Variants in TBL1X observed in about 807,000 individuals in gnomAD.
TBL1X encodes transducin beta like 1 X-linked.
Under a neutral mutation model 50.7 loss-of-function variants are expected in TBL1X, and 10 were observed. That is an observed-to-expected ratio of 0.20 (90% CI 0.12 to 0.33). The LOEUF (loss-of-function observed/expected upper bound fraction) is 0.33. Ranked by LOEUF, TBL1X falls within the 10% of genes least tolerant of loss-of-function variation. TBL1X has a pLI of 1.00. For missense variants in TBL1X, 340 were observed against 504.4 expected, an observed-to-expected ratio of 0.67 and a Z score of 3.12; for synonymous variants, 190 against 214.7, an observed-to-expected ratio of 0.88 and a Z score of 1.01.
chrX:9,463,996 G>A (rs774334723), upstream of TBL1X, among the ~76,000 whole-genome samples: 187 of 112,209 alleles, frequency 1.7e-3, 1 homozygote, highest in Middle Eastern at 0.014. Context: ...AGCAAGTGAG[G>A]TTATAGTTTA....
intron 2 of TBL1X, among the ~76,000 whole-genome samples, chrX:9,600,469 C>CGGGGGG (rs1236527927): frequency 6.2e-4 from 7 of 11,308 alleles, no homozygotes; most frequent in African/African-American, 1.8e-3. Flanking sequence ...ATTTGGTGGG[C>CGGGGGG]GGGGGGGGGG....
intron 2 of TBL1X, among the ~76,000 whole-genome samples, chrX:9,579,996 C>T (rs975570118): frequency 6.3e-5 from 7 of 111,768 alleles, no homozygotes; most frequent in Non-Finnish European, 1.3e-4. Context: ...TTACTGTCGA[C>T]GTAAAGAGTC....
At chrX:9,558,466 G>A (rs765389760) in intron 2 of TBL1X, among the ~76,000 whole-genome samples, 65 of 109,228 alleles carry the variant, frequency 6.0e-4, no homozygotes, top group South Asian at 2.0e-3. Flanking sequence ...GCAGTGAGCC[G>A]AGATCTTGCC....
intron 2 of TBL1X, among the ~76,000 whole-genome samples, chrX:9,591,118 G>A (rs2082497854): frequency 9.0e-6 from 1 of 110,778 alleles, no homozygotes; most frequent in South Asian, 3.8e-4. Flanking sequence ...CTGCTTGTGG[G>A]AACTCCTGCT....
intron 2 of TBL1X, among the ~76,000 whole-genome samples, chrX:9,633,012 A>G (rs1276264199): frequency 8.9e-6 from 1 of 112,655 alleles, no homozygotes; most frequent in African/African-American, 3.2e-5. Context: ...TGAAATGTTA[A>G]TTTCAAAAAC....
intron 2 of TBL1X, among the ~76,000 whole-genome samples, chrX:9,604,942 G>A (rs372126263): frequency 9.0e-6 from 1 of 111,039 alleles, no homozygotes; most frequent in East Asian, 2.9e-4. Flanking sequence ...AGGCTTGGGC[G>A]CGAACTGAAA....
At chrX:9,620,967 G>A (rs1359095189) in intron 2 of TBL1X, among the ~76,000 whole-genome samples, 2 of 112,102 alleles carry the variant, frequency 1.8e-5, no homozygotes, top group African/African-American at 3.3e-5. Flanking sequence ...CAGAATGTCA[G>A]CGGACGTGCA....
chrX:9,474,805 A>G (rs185391605), intron 1 of TBL1X, among the ~76,000 whole-genome samples: 15 of 113,018 alleles, frequency 1.3e-4, no homozygotes, highest in African/African-American at 4.8e-4. Flanking sequence ...AAAGACATCA[A>G]CGTGAGATTG....
At chrX:9,598,971 T>C (rs2082540879) in intron 2 of TBL1X, among the ~76,000 whole-genome samples, 1 of 107,179 alleles carries the variant, frequency 9.3e-6, no homozygotes, top group Non-Finnish European at 1.9e-5. Flanking sequence ...TTAGACGGAG[T>C]CTCCCTCTGT....
intron 2 of TBL1X, among the ~76,000 whole-genome samples, chrX:9,515,740 G>A (rs1569212552): frequency 8.9e-6 from 1 of 112,018 alleles, no homozygotes; most frequent in Non-Finnish European, 1.9e-5. Context: ...TGTGAGTGTC[G>A]TCGATGCCAA....
intron 12 of TBL1X, 97 bp downstream of exon 12, chrX:9,697,526 C>G: frequency 2.7e-6 from 3 of 1,120,365 alleles, no homozygotes; most frequent in South Asian, 2.0e-5. Flanking sequence ...AATCCCAGCA[C>G]TTTGGGAAGC....
At chrX:9,490,530 C>A (rs1408980787) in intron 1 of TBL1X, among the ~76,000 whole-genome samples, 1 of 111,750 alleles carries the variant, frequency 8.9e-6, no homozygotes, top group African/African-American at 3.3e-5. Flanking sequence ...GCCAAGAAAC[C>A]CTGCACAAAC....
At chrX:9,538,338 A>G (rs1168393312) in intron 2 of TBL1X, among the ~76,000 whole-genome samples, 1 of 111,771 alleles carries the variant, frequency 8.9e-6, no homozygotes, top group African/African-American at 3.3e-5. Context: ...TCCTTTGGAT[A>G]TCATGGACCA....
intron 1 of TBL1X, among the ~76,000 whole-genome samples, chrX:9,492,867 GTGTGTGTGTGTGTGTGTGTGTGTGTGT>G (rs1200234496): frequency 3.5e-3 from 176 of 50,097 alleles, no homozygotes; most frequent in African/African-American, 0.013. Flanking sequence ...GTGTGTGTGT[GTGTGTGTGTGTGTGTGTGTGTGTGTGT>G]GTGTAGGGGA....
chrX:9,684,064 C>T lies in TBL1X; in HGVS notation c.233C>T (p.Thr78Met), dbSNP rs1464370959. ...QESGFSHSAF[T>M]FGIESHISQS... ...ACAGGTTTTTCCCACTCGGCTTTCACGTTTGGGATTGAGAGCCACATCAGC... is the reference window on the plus strand; with the variant it reads ...ACAGGTTTTTCCCACTCGGCTTTCATGTTTGGGATTGAGAGCCACATCAGC... Residue 78 changes from threonine (T) to methionine (M), a missense_variant, in exon 6 of 18, where the codon ACG becomes ATG. Physicochemically the swap from Thr to Met is moderately conservative, Grantham distance 81 (BLOSUM62 -1). Transcript: ENST00000645353. 12 of 1,211,899 alleles carry T rather than the reference C, an allele frequency of 9.9e-6. No homozygotes were observed. The highest frequency in any genetic ancestry group is 2.2e-5 in the Admixed American group (1 of 46,033).
intron 1 of TBL1X, among the ~76,000 whole-genome samples, chrX:9,495,032 G>A (rs2081964457): frequency 9.0e-6 from 1 of 111,453 alleles, no homozygotes; most frequent in African/African-American, 3.3e-5. Context: ...AGGAATTGAA[G>A]GGGGCTGTTG....
chrX:9,534,405 A>G (rs1014399053), intron 2 of TBL1X, among the ~76,000 whole-genome samples: 1 of 110,792 alleles, frequency 9.0e-6, no homozygotes, highest in Non-Finnish European at 1.9e-5. Flanking sequence ...TTCTGTGTAC[A>G]TTTGTTTTCG....
intron 2 of TBL1X, among the ~76,000 whole-genome samples, chrX:9,555,985 T>G (rs1355370563): frequency 2.8e-5 from 3 of 107,601 alleles, no homozygotes; most frequent in African/African-American, 1.0e-4. Flanking sequence ...CCCAGGAGTT[T>G]GAGATCAGCC....
chrX:9,546,050 G>A (rs1038512963), intron 2 of TBL1X, among the ~76,000 whole-genome samples: 6 of 111,540 alleles, frequency 5.4e-5, no homozygotes, highest in Non-Finnish European at 1.1e-4. Flanking sequence ...TCCATCCTTG[G>A]TGAAGGTGTA....
Sources: allele counts gnomAD v4.1 joint callset (sites outside exome capture counted in the v4.1 genomes callset), GRCh38; gene constraint gnomAD v4.1.1; transcripts MANE v1.5; gene names NCBI Gene and HGNC (gene_info 2026-07-23, HGNC 2026-07-21).